Variants in WDFY2 observed in about 807,000 individuals in gnomAD.
WDFY2 encodes WD repeat and FYVE domain-containing protein 2.
In WDFY2, 36 loss-of-function variants were observed where a neutral mutation model predicts 56.4. That is an observed-to-expected ratio of 0.64 (90% CI 0.49 to 0.84). WDFY2 has a LOEUF of 0.84. Among genes scored for constraint, WDFY2 ranks in the 40% least tolerant of loss-of-function variants. The probability of loss-of-function intolerance (pLI) is 0.00; values close to 1 mark genes in which losing one functional copy is unlikely to be tolerated. For missense variants in WDFY2, 444 were observed against 512.2 expected (o/e 0.87, Z 1.29); for synonymous variants, 176 against 183.7 (o/e 0.96, Z 0.34).
At chr13:51,640,220 A>G (rs953629776) in intron 1 of WDFY2, among the ~76,000 whole-genome samples, 7 of 152,214 alleles carry the variant, frequency 4.6e-5, no homozygotes, top group African/African-American at 7.2e-5. Flanking sequence ...TTTTCTATTT[A>G]TAATCTGTGC....
At chr13:51,688,260 G>T (rs1028138140) in intron 3 of WDFY2, among the ~76,000 whole-genome samples, 2 of 152,168 alleles carry the variant, frequency 1.3e-5, no homozygotes, top group South Asian at 2.1e-4. Context: ...TTAGTGGCGT[G>T]TGGTGCTTTC....
chr13:51,660,129 G>A (rs956553590), intron 1 of WDFY2, among the ~76,000 whole-genome samples: 1 of 152,008 alleles, frequency 6.6e-6, no homozygotes, highest in Non-Finnish European at 1.5e-5. Context: ...CTTTAGACAG[G>A]TATATATGGT....
At chr13:51,628,517 A>G (rs1310194223) in intron 1 of WDFY2, among the ~76,000 whole-genome samples, 4 of 152,106 alleles carry the variant, frequency 2.6e-5, no homozygotes, top group Admixed American at 2.6e-4. Flanking sequence ...TACACCCAGG[A>G]GCACCGGTTT....
In WDFY2 at chr13:51,632,765, C is replaced by A. The variant is rs568434051; in HGVS notation, c.138-27831C>A. Among the ~76,000 whole-genome samples, 8 of 152,280 alleles carry A rather than the reference C, an allele frequency of 5.3e-5. No homozygotes were observed. The South Asian group carries it at 1.7e-3, about 32-fold the overall frequency. On this transcript the variant is annotated intron_variant, in intron 1 of 11. Coordinates refer to ENST00000298125, the MANE Select transcript of WDFY2 (RefSeq NM_052950.4). Reference sequence around the variant, plus strand: ...ATGTACAAACTTGTCTTGTTTCTAGCAGTTACCCTAATTATTCAAACATTT... The same window carrying A: ...ATGTACAAACTTGTCTTGTTTCTAGAAGTTACCCTAATTATTCAAACATTT...
intron 3 of WDFY2, among the ~76,000 whole-genome samples, chr13:51,700,667 T>C (rs1299622645): frequency 6.6e-6 from 1 of 152,234 alleles, no homozygotes; most frequent in Non-Finnish European, 1.5e-5. Flanking sequence ...AATAAAGGAA[T>C]ATTAAAGTAA....
chr13:51,750,067 T>C (rs1035734893), intron 7 of WDFY2, among the ~76,000 whole-genome samples: 1 of 152,220 alleles, frequency 6.6e-6, no homozygotes, highest in African/African-American at 2.4e-5. Flanking sequence ...TTAAAACCTA[T>C]GTTACTAGTC....
chr13:51,683,759 C>A (rs1370620719), intron 3 of WDFY2, among the ~76,000 whole-genome samples: 1 of 152,156 alleles, frequency 6.6e-6, no homozygotes, highest in African/African-American at 2.4e-5. Flanking sequence ...AAAAGCCTTC[C>A]CCCTTGCTGG....
intron 1 of WDFY2, among the ~76,000 whole-genome samples, chr13:51,641,149 T>C (rs1955147277): frequency 1.3e-5 from 2 of 151,832 alleles, no homozygotes; most frequent in Admixed American, 6.6e-5. Flanking sequence ...CTCGGCTCAC[T>C]GCAACCTCCG....
chr13:51,670,489 G>GCGCA (rs994843711), intron 2 of WDFY2, among the ~76,000 whole-genome samples: 4 of 131,498 alleles, frequency 3.0e-5, no homozygotes, highest in Middle Eastern at 3.6e-3. Context: ...GTGCGCACAT[G>GCGCA]CACACACACA....
At chr13:51,665,843 T>G (rs1955691264) in intron 2 of WDFY2, among the ~76,000 whole-genome samples, 1 of 152,234 alleles carries the variant, frequency 6.6e-6, no homozygotes, top group African/African-American at 2.4e-5. Context: ...GGCTCCTAAG[T>G]ATTTATAAAT....
chr13:51,650,130 T>C (rs1383460054), intron 1 of WDFY2, among the ~76,000 whole-genome samples: 8 of 152,040 alleles, frequency 5.3e-5, no homozygotes, highest in Admixed American at 2.6e-4. Context: ...AAGAGGTCCT[T>C]CACATCCCTT....
chr13:51,648,022 A>G (rs1336520169), intron 1 of WDFY2, among the ~76,000 whole-genome samples: 1 of 152,184 alleles, frequency 6.6e-6, no homozygotes, highest in Non-Finnish European at 1.5e-5. Context: ...TGCTTAGTTG[A>G]ACATGTGAGT....
intron 7 of WDFY2, among the ~76,000 whole-genome samples, chr13:51,744,671 G>A (rs917324762): frequency 6.6e-6 from 1 of 152,208 alleles, no homozygotes; most frequent in Admixed American, 6.5e-5. Flanking sequence ...GCAGATCCTG[G>A]TGGTTGTGAA....
chr13:51,662,190 C>A (rs143917910), intron 2 of WDFY2, among the ~76,000 whole-genome samples: 1 of 152,110 alleles, frequency 6.6e-6, no homozygotes, highest in East Asian at 1.9e-4. Flanking sequence ...AGGCTGGTTT[C>A]GAACTCCTGA....
intron 1 of WDFY2, among the ~76,000 whole-genome samples, chr13:51,646,719 T>C (rs1284909318): frequency 3.9e-5 from 6 of 152,334 alleles, no homozygotes; most frequent in African/African-American, 1.2e-4. Context: ...TTAGTAGTCT[T>C]GGAAAATCCA....
At chr13:51,682,964 G>A (rs1956003112) in intron 3 of WDFY2, among the ~76,000 whole-genome samples, 1 of 152,154 alleles carries the variant, frequency 6.6e-6, no homozygotes, top group Non-Finnish European at 1.5e-5. Context: ...GAATTTACCA[G>A]TGATTTGCAA....
intron 1 of WDFY2, among the ~76,000 whole-genome samples, chr13:51,594,993 T>C (rs912937193): frequency 1.3e-5 from 2 of 152,226 alleles, no homozygotes; most frequent in Non-Finnish European, 2.9e-5. Context: ...TTTTTTGTTT[T>C]TGTAGAGTTC....
chr13:51,587,123 A>G (rs910421406), intron 1 of WDFY2: 1 of 152,220 alleles, frequency 6.6e-6, no homozygotes, highest in Non-Finnish European at 1.5e-5. Flanking sequence ...AGCCGCAAGT[A>G]ATGTTCCATA....
At chr13:51,655,838 G>C (rs761821096) in intron 1 of WDFY2, among the ~76,000 whole-genome samples, 1 of 152,032 alleles carries the variant, frequency 6.6e-6, no homozygotes, top group African/African-American at 2.4e-5. Context: ...ATCTCTACTT[G>C]TAATAGGTTT....
Sources: gnomAD v4.1 joint callset for allele counts (sites outside exome capture counted in the v4.1 genomes callset) on GRCh38, gnomAD v4.1.1 for gene constraint, MANE v1.5 for transcripts, NCBI Gene and HGNC (gene_info 2026-07-23, HGNC 2026-07-21) for gene names.